MOB3B: variants seen among roughly 807,000 people sequenced by gnomAD.
The protein encoded by MOB3B is MOB kinase activator-like 2B.
In MOB3B, 7 loss-of-function variants were observed where a neutral mutation model predicts 18.7. The observed-to-expected ratio is 0.37, with a 90% confidence interval of 0.21 to 0.70. MOB3B has a LOEUF of 0.70. Among genes scored for constraint, MOB3B ranks in the 30% least tolerant of loss-of-function variants. MOB3B has a pLI of 0.52. For synonymous variants in MOB3B, 111 were observed against 99.9 expected, an observed-to-expected ratio of 1.11 and a Z score of -0.66; for missense variants, 253 against 281.3, an observed-to-expected ratio of 0.90 and a Z score of 0.72.
At chr9:27,360,508 C>G (rs1196010259) in intron 2 of MOB3B, among the ~76,000 whole-genome samples, 2 of 152,244 alleles carry the variant, frequency 1.3e-5, no homozygotes, top group Middle Eastern at 3.4e-3. Flanking sequence ...CCGTCTCAAA[C>G]AAACAAACAA....
At chr9:27,363,171 G>T (rs564149367) in intron 2 of MOB3B, among the ~76,000 whole-genome samples, 12 of 152,202 alleles carry the variant, frequency 7.9e-5, no homozygotes, top group Non-Finnish European at 1.5e-4. Flanking sequence ...AAAAGAAAAG[G>T]GAATTCCAAA....
At chr9:27,524,703 G>A in intron 1 of MOB3B, 1 of 1,614,016 alleles carries the variant, frequency 6.2e-7, no homozygotes, top group Non-Finnish European at 8.5e-7. Flanking sequence ...TCAGCAAGCA[G>A]AGTACCTGAA....
intron 2 of MOB3B, among the ~76,000 whole-genome samples, chr9:27,398,703 T>G (rs1050333136): frequency 5.3e-5 from 8 of 152,286 alleles, no homozygotes; most frequent in East Asian, 1.9e-4. Context: ...CAGAAACCAC[T>G]GTGACGCAGA....
At chr9:27,358,280 C>T (rs1821223068) in intron 3 of MOB3B, among the ~76,000 whole-genome samples, 1 of 152,088 alleles carries the variant, frequency 6.6e-6, no homozygotes, top group South Asian at 2.1e-4. Flanking sequence ...CTATAAAAAG[C>T]TTTGATCAAA....
intron 1 of MOB3B, 56 bp downstream of exon 1, chr9:27,529,499 G>A (rs1365237899): frequency 1.0e-5 from 10 of 965,304 alleles, no homozygotes; most frequent in Non-Finnish European, 1.2e-5. Flanking sequence ...GAGATCGGGA[G>A]CGAGCAGCCA....
chr9:27,523,579 A>T (rs1820376223), intron 1 of MOB3B, among the ~76,000 whole-genome samples: 1 of 152,236 alleles, frequency 6.6e-6, no homozygotes, highest in Non-Finnish European at 1.5e-5. Flanking sequence ...GAAAGGTATC[A>T]GAGGCATATG....
chr9:27,334,802 T>C (rs1820838169), intron 3 of MOB3B, among the ~76,000 whole-genome samples: 2 of 150,808 alleles, frequency 1.3e-5, no homozygotes, highest in Non-Finnish European at 2.9e-5. Context: ...TCATCACACA[T>C]TTTAGTAATC....
At chr9:27,404,063 C>G (rs1175145710) in intron 2 of MOB3B, among the ~76,000 whole-genome samples, 2 of 152,072 alleles carry the variant, frequency 1.3e-5, no homozygotes, top group Non-Finnish European at 2.9e-5. Flanking sequence ...ACCCATTAAC[C>G]CTCCTCGCTT....
chr9:27,352,834 G>T (rs1290180142), intron 3 of MOB3B, among the ~76,000 whole-genome samples: 1 of 152,210 alleles, frequency 6.6e-6, no homozygotes, highest in Non-Finnish European at 1.5e-5. Context: ...CAGTTAAATT[G>T]GGCGGGCTAC....
intron 2 of MOB3B, among the ~76,000 whole-genome samples, chr9:27,403,679 C>T (rs1821921024): frequency 6.6e-6 from 1 of 151,974 alleles, no homozygotes; most frequent in Non-Finnish European, 1.5e-5. Flanking sequence ...CAGGGTTTCA[C>T]CATGCTGGCC....
chr9:27,410,758 T>C (rs1430620919), intron 2 of MOB3B, among the ~76,000 whole-genome samples: 1 of 152,222 alleles, frequency 6.6e-6, no homozygotes, highest in Admixed American at 6.5e-5. Context: ...TTATTCTTTT[T>C]TTTTCTGATT....
intron 1 of MOB3B, among the ~76,000 whole-genome samples, chr9:27,459,806 G>C (rs1783445189): frequency 7.3e-6 from 1 of 137,664 alleles, no homozygotes; most frequent in Admixed American, 8.2e-5. Context: ...AAGCAGAAAG[G>C]TTTCTTTGGC....
chr9:27,524,414 A>G (rs146588377), intron 1 of MOB3B: 2 of 1,613,986 alleles, frequency 1.2e-6, no homozygotes, highest in African/African-American at 1.3e-5. Context: ...CTGGCACCCT[A>G]TCCCTGGACT....
At chr9:27,484,620 C>T (rs544183107) in intron 1 of MOB3B, among the ~76,000 whole-genome samples, 1 of 152,322 alleles carries the variant, frequency 6.6e-6, no homozygotes, top group South Asian at 2.1e-4. Context: ...ACCATAAAGG[C>T]TTCATGAATA....
intron 3 of MOB3B, among the ~76,000 whole-genome samples, chr9:27,348,689 TTA>T (rs1413063079): frequency 6.6e-6 from 1 of 151,946 alleles, no homozygotes; most frequent in Non-Finnish European, 1.5e-5. Context: ...GAAATAGACC[TTA>T]ATTTTCCTTT....
intron 3 of MOB3B, 89 bp downstream of exon 3, chr9:27,358,945 G>T: frequency 7.5e-7 from 1 of 1,328,700 alleles, no homozygotes; most frequent in Non-Finnish European, 1.1e-6. Context: ...AGCCATCAAT[G>T]AGCATTTTCC....
intron 2 of MOB3B, among the ~76,000 whole-genome samples, chr9:27,370,187 C>T (rs900749474): frequency 2.6e-5 from 4 of 152,072 alleles, no homozygotes; most frequent in African/African-American, 9.7e-5. Flanking sequence ...AAGGCAGACA[C>T]CCCATGAATG....
chr9:27,517,800 G>A (rs1196465584), intron 1 of MOB3B, among the ~76,000 whole-genome samples: 2 of 151,934 alleles, frequency 1.3e-5, no homozygotes, highest in African/African-American at 4.8e-5. Flanking sequence ...GCTAAACACC[G>A]GGGATAAAAT....
chr9:27,468,226 C>T (rs1162035533), intron 1 of MOB3B, among the ~76,000 whole-genome samples: 1 of 152,182 alleles, frequency 6.6e-6, no homozygotes, highest in Non-Finnish European at 1.5e-5. Context: ...GGCAGACACA[C>T]AGAGACAGAC....
Sources: allele counts gnomAD v4.1 joint callset (sites outside exome capture counted in the v4.1 genomes callset), GRCh38; gene constraint gnomAD v4.1.1; transcripts MANE v1.5; gene names NCBI Gene and HGNC (gene_info 2026-07-23, HGNC 2026-07-21).